MYLK: variants seen among roughly 807,000 people sequenced by gnomAD.
MYLK encodes myosin light chain kinase.
A neutral mutation model predicts 203.4 loss-of-function variants in MYLK; 106 were observed. That is an observed-to-expected ratio of 0.52 (90% CI 0.45 to 0.61). The LOEUF is 0.61. MYLK is among the 20% of genes least tolerant of loss of function. MYLK has a pLI of 0.00. For synonymous variants in MYLK, 867 were observed against 959.5 expected, an observed-to-expected ratio of 0.90 and a Z score of 1.78; for missense variants, 2,072 against 2,442.3, an observed-to-expected ratio of 0.85 and a Z score of 3.20.
At position 123,651,865 on chromosome 3, in the gene MYLK, G is replaced by A. The variant is rs114721071; in HGVS notation, c.4289-2671C>T. On this transcript the variant is annotated intron_variant, in intron 24 of 33. Transcript: ENST00000360304. Reference sequence around the variant, plus strand: ...GATCTGATTCTCATGCTAATGCTCTGGGGGAAGGACCTAGATCATTCTCAA... The same window carrying A: ...GATCTGATTCTCATGCTAATGCTCTAGGGGAAGGACCTAGATCATTCTCAA... 2.0e-3 allele frequency among the ~76,000 whole-genome samples: 302 copies of A among 152,296 alleles called. 1 individual carries two copies. The highest frequency in any genetic ancestry group is 7.1e-3 in the African/African-American group (295 of 41,576).
intron 28 of MYLK, 141 bp from the exon 29 acceptor site, chr3:123,638,335 A>G: frequency 4.1e-6 from 5 of 1,207,348 alleles, no homozygotes; most frequent in Non-Finnish European, 6.0e-6. Context: ...GCACAGAGAC[A>G]TCTGACCTCC....
intron 4 of MYLK, among the ~76,000 whole-genome samples, chr3:123,758,377 C>A (rs1220635219): frequency 6.6e-6 from 1 of 152,202 alleles, no homozygotes; most frequent in African/African-American, 2.4e-5. Flanking sequence ...TGCTCCCCAC[C>A]CCCATGTCCA....
chr3:123,861,250 C>G (rs2148689111), intron 2 of MYLK, among the ~76,000 whole-genome samples: 1 of 152,330 alleles, frequency 6.6e-6, no homozygotes, highest in Middle Eastern at 3.4e-3. Flanking sequence ...AAGAAACTAG[C>G]CAAGCAGCCC....
chr3:123,675,625 C>A (rs2060048401), intron 20 of MYLK, among the ~76,000 whole-genome samples: 1 of 152,200 alleles, frequency 6.6e-6, no homozygotes, highest in Non-Finnish European at 1.5e-5. Context: ...GTCTGCCTCT[C>A]TGGGGACATT....
chr3:123,759,267 C>T (rs573795101), intron 4 of MYLK, among the ~76,000 whole-genome samples: 1 of 152,154 alleles, frequency 6.6e-6, no homozygotes, highest in Non-Finnish European at 1.5e-5. Context: ...GGGCTCCAGG[C>T]TTTCCAGAAC....
At chr3:123,718,444 T>C (rs551811774) in intron 13 of MYLK, among the ~76,000 whole-genome samples, 2 of 152,284 alleles carry the variant, frequency 1.3e-5, no homozygotes, top group South Asian at 4.2e-4. Context: ...GAGTAAATTG[T>C]TTTCTCCTCT....
intron 23 of MYLK, among the ~76,000 whole-genome samples, chr3:123,659,128 T>TAAA (rs891575314): frequency 5.3e-5 from 8 of 152,176 alleles, no homozygotes; most frequent in Admixed American, 5.2e-4. Flanking sequence ...CTCTAAACTC[T>TAAA]CTTAAAGACA....
intron 32 of MYLK, among the ~76,000 whole-genome samples, chr3:123,619,886 C>T (rs1463243252): frequency 6.6e-6 from 1 of 152,012 alleles, no homozygotes; most frequent in African/African-American, 2.4e-5. Flanking sequence ...ATCACTTTTG[C>T]CATAAGAACA....
In MYLK at chr3:123,657,376, G is replaced by A. The variant is rs1330283958; in HGVS notation, c.4038C>T (p.Ser1346=). The change falls in exon 24 of 34, where the codon TCC becomes TCT. Residue 1346 remains serine, a synonymous_variant. Coordinates refer to ENST00000360304, the MANE Select transcript of MYLK (RefSeq NM_053025.4). ...GTPCASDIRS[S]SLTLSWYGSS... ...AGCCATACCAGGACAGGGTCAGTGA[G>A]GAGCTCCGAATGTCAGAGGCACAAG... The A allele has an allele frequency of 2.5e-6, 4 of 1,613,974 alleles. No homozygotes were observed. In the African/African-American group the frequency reaches 5.3e-5, roughly 22 times the overall value.
chr3:123,775,027 A>T (rs62262906), intron 4 of MYLK, among the ~76,000 whole-genome samples: 1 of 151,770 alleles, frequency 6.6e-6, no homozygotes, highest in Non-Finnish European at 1.5e-5. Flanking sequence ...TCAACATGGT[A>T]AATTTTTTTT....
intron 3 of MYLK, 146 bp from the exon 4 acceptor site, chr3:123,793,990 C>T (rs2064890567): frequency 2.4e-6 from 2 of 830,792 alleles, no homozygotes; most frequent in Admixed American, 4.0e-5. Context: ...CACAGCTCCT[C>T]TGTGAAGATG....
In MYLK at chr3:123,804,979, C is replaced by T. The variant is rs776988736; in HGVS notation, c.-3-11135G>A. On this transcript the variant is annotated intron_variant, in intron 3 of 33. Coordinates refer to ENST00000360304, the MANE Select transcript of MYLK (RefSeq NM_053025.4). ...GAAGCACTGCTGACAGGAGGGGCTGCGGTGACATGGTTGCCAGTAGGATCC... is the reference window on the plus strand; with the variant it reads ...GAAGCACTGCTGACAGGAGGGGCTGTGGTGACATGGTTGCCAGTAGGATCC... Among the ~76,000 whole-genome samples the T allele has an allele frequency of 1.1e-4, 17 of 152,182 alleles. No homozygotes were observed. The East Asian group carries it at 2.3e-3, about 21-fold the overall frequency.
chr3:123,832,432 C>T (rs973629211), intron 2 of MYLK, among the ~76,000 whole-genome samples: 5 of 152,214 alleles, frequency 3.3e-5, no homozygotes, highest in African/African-American at 1.2e-4. Context: ...ATAAGCTACC[C>T]ATCCAGATGG....
rs2061157307 is a variant in MYLK, at chr3:123,700,618, C to T, written c.2850G>A (p.Gln950=). 2 of 1,613,940 alleles carry T rather than the reference C, an allele frequency of 1.2e-6. No individual in the cohort carries two copies. Among genetic ancestry groups the T allele is most frequent in the Non-Finnish European group, 1.7e-6 (2 of 1,180,018 alleles). Residue 950 remains glutamine (Q), a synonymous_variant, in exon 18 of 34, where the codon CAG becomes CAA. Transcript: ENST00000360304. The part of the protein sequence containing the change: ...EEERKVHSPQ[Q]VDFRSVLAKK... ...TGGCCAGGACAGAGCGAAAATCGAC[C>T]TGCTGGGGGCTGTGCACCTTCCTCT...
At chr3:123,735,511 C>A in intron 8 of MYLK, 95 bp from the exon 9 acceptor site, 1 of 1,419,986 alleles carries the variant, frequency 7.0e-7, no homozygotes, top group East Asian at 2.3e-5. Flanking sequence ...CGTGGTCCCA[C>A]CCTGCTGGCT....
chr3:123,847,358 G>A (rs1354174719), intron 2 of MYLK, among the ~76,000 whole-genome samples: 2 of 152,078 alleles, frequency 1.3e-5, no homozygotes, highest in African/African-American at 4.8e-5. Context: ...AATCTTATTG[G>A]TATGCAAGTA....
intron 4 of MYLK, among the ~76,000 whole-genome samples, chr3:123,753,980 C>T (rs1434266001): frequency 1.3e-5 from 2 of 152,230 alleles, no homozygotes; most frequent in African/African-American, 2.4e-5. Flanking sequence ...AATAATCCTA[C>T]TCACACCCCC....
intron 14 of MYLK, chr3:123,709,244 C>T (rs1339402948): frequency 4.5e-6 from 1 of 221,592 alleles, no homozygotes; most frequent in African/African-American, 2.3e-5. Flanking sequence ...AGGTTCACGC[C>T]ATTCTCCTGC....
intron 3 of MYLK, among the ~76,000 whole-genome samples, chr3:123,797,785 C>T (rs972759257): frequency 1.3e-5 from 2 of 152,200 alleles, no homozygotes; most frequent in South Asian, 2.1e-4. Context: ...AAGGTTTGAA[C>T]GAGAGTGTAT....
Sources: allele counts gnomAD v4.1 joint callset (sites outside exome capture counted in the v4.1 genomes callset), GRCh38; gene constraint gnomAD v4.1.1; transcripts MANE v1.5; gene names NCBI Gene and HGNC (gene_info 2026-07-23, HGNC 2026-07-21).